QTMAN: variants seen among roughly 807,000 people sequenced by gnomAD.
QTMAN encodes queuosine-tRNA mannosyltransferase, also known as tRNA-queuosine alpha-mannosyltransferase.
the QTMAN span, among the ~76,000 whole-genome samples, chr2:144,030,731 A>G: frequency 1.3e-5 from 2 of 152,208 alleles, no homozygotes; most frequent in African/African-American, 4.8e-5. Context: ...ATATGTGTCA[A>G]GAGAGACAGG....
chr2:143,994,493 T>A, the QTMAN span, among the ~76,000 whole-genome samples: 24 of 152,192 alleles, frequency 1.6e-4, 1 homozygote, highest in East Asian at 3.3e-3. Flanking sequence ...AATCCAAATG[T>A]CCATCATATG....
the QTMAN span, chr2:143,939,285 C>A: frequency 6.6e-6 from 1 of 152,092 alleles, no homozygotes; most frequent in African/African-American, 2.4e-5. Context: ...TTCTTACCAC[C>A]CACCAAAGAA....
the QTMAN span, among the ~76,000 whole-genome samples, chr2:144,243,296 AC>A: frequency 6.6e-6 from 1 of 152,168 alleles, no homozygotes; most frequent in Admixed American, 6.6e-5. Context: ...ATGCTGTATA[AC>A]ATCTTCTTCT....
At chr2:143,968,716 C>T in the QTMAN span, among the ~76,000 whole-genome samples, 17 of 152,276 alleles carry the variant, frequency 1.1e-4, no homozygotes, top group Non-Finnish European at 1.6e-4. Flanking sequence ...CAAAACTGAA[C>T]TTATGAGCTT....
At chr2:144,006,963 C>A in the QTMAN span, 1 of 416,234 alleles carries the variant, frequency 2.4e-6, no homozygotes, top group Admixed American at 4.2e-5. Flanking sequence ...GAGCAAATTG[C>A]AGCAAATAAT....
At chr2:144,195,265 C>A in the QTMAN span, among the ~76,000 whole-genome samples, 2 of 151,836 alleles carry the variant, frequency 1.3e-5, no homozygotes. Context: ...TGAAAGATGT[C>A]ACAGCAAAAA....
chr2:143,968,692 A>G, the QTMAN span, among the ~76,000 whole-genome samples: 2 of 152,154 alleles, frequency 1.3e-5, no homozygotes, highest in African/African-American at 4.8e-5. Flanking sequence ...CAAACACCTC[A>G]AGGCTGGTAC....
At chr2:144,140,931 C>G in the QTMAN span, among the ~76,000 whole-genome samples, 2 of 151,950 alleles carry the variant, frequency 1.3e-5, no homozygotes, top group African/African-American at 2.4e-5. Flanking sequence ...AAATAAGACA[C>G]TCAAATAAAT....
At chr2:144,241,745 T>G in the QTMAN span, among the ~76,000 whole-genome samples, 1 of 152,002 alleles carries the variant, frequency 6.6e-6, no homozygotes, top group Non-Finnish European at 1.5e-5. Flanking sequence ...CTTGTTACTA[T>G]AAAGCTAGAT....
the QTMAN span, among the ~76,000 whole-genome samples, chr2:144,263,121 G>A: frequency 6.6e-6 from 1 of 151,840 alleles, no homozygotes; most frequent in African/African-American, 2.4e-5. Flanking sequence ...CTGCTTGGCA[G>A]GTACACAGCA....
the QTMAN span, among the ~76,000 whole-genome samples, chr2:144,015,958 C>T: frequency 6.6e-6 from 1 of 152,142 alleles, no homozygotes; most frequent in Middle Eastern, 3.2e-3. Flanking sequence ...GAACATGTGT[C>T]GGGCGTGACG....
chr2:144,054,136 A>C, the QTMAN span, among the ~76,000 whole-genome samples: 11 of 152,108 alleles, frequency 7.2e-5, no homozygotes, highest in Non-Finnish European at 1.5e-4. Flanking sequence ...GGCAGTGAGC[A>C]GAGATTGAGC....
chr2:144,241,252 A>G, the QTMAN span, among the ~76,000 whole-genome samples: 1 of 152,228 alleles, frequency 6.6e-6, no homozygotes, highest in East Asian at 1.9e-4. Flanking sequence ...AGTCTTTCAG[A>G]TAATTCTCAG....
chr2:144,048,972 T>C, the QTMAN span, among the ~76,000 whole-genome samples: 6 of 152,368 alleles, frequency 3.9e-5, no homozygotes, highest in South Asian at 1.2e-3. Flanking sequence ...TAGCATTTGC[T>C]GTAGCTATTC....
chr2:144,233,500 T>A, the QTMAN span, among the ~76,000 whole-genome samples: 155 of 152,328 alleles, frequency 1.0e-3, no homozygotes, highest in African/African-American at 3.7e-3. Flanking sequence ...GCTGCCTGCC[T>A]TCCTTCGGTG....
the QTMAN span, chr2:144,208,731 C>T: frequency 6.2e-7 from 1 of 1,613,664 alleles, no homozygotes; most frequent in African/African-American, 1.3e-5. Context: ...GAAGATCCAC[C>T]AGCTGTTTAT....
chr2:144,298,316 A>G, the QTMAN span, among the ~76,000 whole-genome samples: 1 of 152,088 alleles, frequency 6.6e-6, no homozygotes, highest in East Asian at 1.9e-4. Flanking sequence ...CCGCGCCCAG[A>G]GAGAGAATAT....
the QTMAN span, chr2:144,208,654 C>T: frequency 2.9e-4 from 469 of 1,613,770 alleles, no homozygotes; most frequent in Non-Finnish European, 3.7e-4. Flanking sequence ...AGCAGATGTC[C>T]GGGCTCTCCA....
the QTMAN span, among the ~76,000 whole-genome samples, chr2:144,054,197 T>A: frequency 6.6e-6 from 1 of 151,502 alleles, no homozygotes; most frequent in Non-Finnish European, 1.5e-5. Context: ...CAAAAAAAAA[T>A]TTAAAAACCA....
Sources: allele counts gnomAD v4.1 joint callset (sites outside exome capture counted in the v4.1 genomes callset), GRCh38; gene constraint gnomAD v4.1.1; transcripts MANE v1.5; gene names NCBI Gene and HGNC (gene_info 2026-07-23, HGNC 2026-07-21).